MED27: variants seen among roughly 807,000 people sequenced by gnomAD.
The protein encoded by MED27 is mediator of RNA polymerase II transcription subunit 27.
MED27 carries 30 observed loss-of-function variants against 38.2 expected under a neutral mutation model. The ratio of observed to expected loss-of-function variants is 0.79; its 90% CI spans 0.59 to 1.07. The LOEUF (loss-of-function observed/expected upper bound fraction) is 1.07. Ranked by LOEUF, MED27 falls within the 50% of genes least tolerant of loss-of-function variation. The probability of loss-of-function intolerance (pLI) is 0.00; values close to 1 mark genes in which losing one functional copy is unlikely to be tolerated. For missense variants in MED27, 289 were observed against 397.5 expected (o/e 0.73, Z 2.32); for synonymous variants, 122 against 153.5 (o/e 0.79, Z 1.52).
chr9:131,888,439 G>A (rs1301590093), intron 5 of MED27, among the ~76,000 whole-genome samples: 14 of 152,176 alleles, frequency 9.2e-5, no homozygotes, highest in Admixed American at 3.9e-4. Flanking sequence ...CCGGGGCTGC[G>A]CGCTCCCTAA....
chr9:132,071,605 C>A (rs372536979), intron 2 of MED27, among the ~76,000 whole-genome samples: 2 of 150,652 alleles, frequency 1.3e-5, no homozygotes, highest in Non-Finnish European at 3.0e-5. Flanking sequence ...GCCCCATGAA[C>A]GAGCACATGC....
intron 6 of MED27, among the ~76,000 whole-genome samples, chr9:131,882,142 T>C (rs1026964454): frequency 2.0e-5 from 3 of 152,178 alleles, no homozygotes; most frequent in Admixed American, 6.5e-5. Flanking sequence ...GTAATGCTTA[T>C]ATAGGTTCCC....
intron 2 of MED27, among the ~76,000 whole-genome samples, chr9:132,054,796 T>C (rs769412692): frequency 6.6e-6 from 1 of 152,234 alleles, no homozygotes; most frequent in Non-Finnish European, 1.5e-5. Context: ...ATCTAATTTT[T>C]AGATTAAGAA....
chr9:131,908,739 C>T (rs555034061), intron 4 of MED27, among the ~76,000 whole-genome samples: 38 of 152,090 alleles, frequency 2.5e-4, no homozygotes, highest in Non-Finnish European at 4.9e-4. Flanking sequence ...ACAAACACTG[C>T]GGAAGGCCGC....
chr9:131,908,473 G>T (rs1037832977), intron 4 of MED27, among the ~76,000 whole-genome samples: 10 of 152,210 alleles, frequency 6.6e-5, no homozygotes, highest in African/African-American at 9.6e-5. Context: ...AATCGGATGG[G>T]TGCCGTGTCT....
intron 2 of MED27, among the ~76,000 whole-genome samples, chr9:132,048,805 T>C (rs1833401594): frequency 6.6e-6 from 1 of 152,194 alleles, no homozygotes; most frequent in South Asian, 2.1e-4. Context: ...ATGCCATTCA[T>C]GGTAGGATTT....
intron 3 of MED27, among the ~76,000 whole-genome samples, chr9:132,008,700 GCT>G (rs1832418432): frequency 6.6e-6 from 1 of 152,178 alleles, no homozygotes; most frequent in East Asian, 1.9e-4. Context: ...CCACGCCTGT[GCT>G]CTCTGCACAG....
At chr9:131,930,188 T>C (rs1008226730) in intron 4 of MED27, among the ~76,000 whole-genome samples, 6 of 152,206 alleles carry the variant, frequency 3.9e-5, no homozygotes, top group African/African-American at 1.4e-4. Flanking sequence ...GTACAAAGTT[T>C]ATTCCAAGGG....
intron 2 of MED27, among the ~76,000 whole-genome samples, chr9:132,019,245 T>C (rs548908699): frequency 1.3e-5 from 2 of 152,312 alleles, no homozygotes; most frequent in South Asian, 4.1e-4. Flanking sequence ...ATGTCCAGGA[T>C]AGTGCATTGA....
At chr9:131,972,903 G>A (rs1355351273) in intron 3 of MED27, among the ~76,000 whole-genome samples, 3 of 152,158 alleles carry the variant, frequency 2.0e-5, no homozygotes, top group Non-Finnish European at 1.5e-5. Context: ...CAAAAAATTA[G>A]CCAGGTGTGA....
intron 2 of MED27, among the ~76,000 whole-genome samples, chr9:132,027,273 C>T (rs1250902380): frequency 1.3e-5 from 2 of 152,206 alleles, no homozygotes; most frequent in East Asian, 3.8e-4. Context: ...AAGAAGAGAA[C>T]GCAGGAGCCG....
At chr9:131,998,456 T>C (rs1158889808) in intron 3 of MED27, among the ~76,000 whole-genome samples, 1 of 152,104 alleles carries the variant, frequency 6.6e-6, no homozygotes, top group African/African-American at 2.4e-5. Context: ...CTTATCTGCA[T>C]CCTTATTTCC....
intron 2 of MED27, among the ~76,000 whole-genome samples, chr9:132,015,310 A>C (rs999370289): frequency 6.6e-6 from 1 of 152,234 alleles, no homozygotes; most frequent in African/African-American, 2.4e-5. Flanking sequence ...GTAAGGAAGC[A>C]GCATGCTTTA....
intron 4 of MED27, among the ~76,000 whole-genome samples, chr9:131,897,512 G>A (rs1047402391): frequency 5.9e-5 from 9 of 152,240 alleles, no homozygotes; most frequent in African/African-American, 2.2e-4. Flanking sequence ...ATTATTGTAT[G>A]AGATGTGGGT....
rs538337737 is a variant in MED27, at chr9:131,982,088, G to A, written c.479+32249C>T. Among the ~76,000 whole-genome samples, 49 of 152,270 alleles carry A rather than the reference G, an allele frequency of 3.2e-4. No homozygotes were observed. Among genetic ancestry groups the A allele is most frequent in the Non-Finnish European group, 2.5e-4 (17 of 68,016 alleles). On this transcript the variant is annotated intron_variant, in intron 3 of 7. Transcript: ENST00000292035. This position sits in a 1 kb window ranked among gnomAD's most constrained non-coding sequence, Gnocchi z 4.3. ...GTAGTCTGTTTCACTCATGGTCCCCGGTGGAACACTTCCCAGTATTTATGC... is the reference window on the plus strand; with the variant it reads ...GTAGTCTGTTTCACTCATGGTCCCCAGTGGAACACTTCCCAGTATTTATGC...
At chr9:131,899,841 G>A (rs1281395813) in intron 4 of MED27, among the ~76,000 whole-genome samples, 1 of 152,200 alleles carries the variant, frequency 6.6e-6, no homozygotes, top group Admixed American at 6.5e-5. Context: ...TAGTGACCTT[G>A]AACTTTTTGA....
chr9:132,027,630 T>G (rs759512620), intron 2 of MED27, among the ~76,000 whole-genome samples: 3 of 152,174 alleles, frequency 2.0e-5, no homozygotes, highest in Non-Finnish European at 4.4e-5. Flanking sequence ...ATCTAAAGCC[T>G]TCTCATCGAT....
At chr9:131,923,033 T>C (rs1198450879) in intron 4 of MED27, among the ~76,000 whole-genome samples, 1 of 152,140 alleles carries the variant, frequency 6.6e-6, no homozygotes, top group Non-Finnish European at 1.5e-5. Context: ...CTCCAAGGAG[T>C]TCCTATTAGT....
chr9:131,939,933 G>A (rs1830755751), intron 3 of MED27, among the ~76,000 whole-genome samples: 1 of 144,654 alleles, frequency 6.9e-6, no homozygotes, highest in South Asian at 2.2e-4. Flanking sequence ...TTGAGACAGA[G>A]TCTTGCTGTG....
Sources: allele counts gnomAD v4.1 joint callset (sites outside exome capture counted in the v4.1 genomes callset), GRCh38; gene constraint gnomAD v4.1.1; non-coding constraint Gnocchi (gnomAD v3.1); transcripts MANE v1.5; gene names NCBI Gene and HGNC (gene_info 2026-07-23, HGNC 2026-07-21).